Variants in FHIT observed in about 807,000 individuals in gnomAD.
FHIT encodes the protein bis(5'-adenosyl)-triphosphatase.
Under a neutral mutation model 17.9 loss-of-function variants are expected in FHIT, and 19 were observed. That is an observed-to-expected ratio of 1.06 (90% CI 0.74 to 1.56). The LOEUF is 1.56. FHIT is among the 40% of genes most tolerant of loss of function. The pLI, the probability that FHIT is intolerant of heterozygous loss-of-function variation, is 0.00. For synonymous variants in FHIT, 81 were observed against 69.7 expected, an observed-to-expected ratio of 1.16 and a Z score of -0.81; for missense variants, 248 against 189.2, an observed-to-expected ratio of 1.31 and a Z score of -1.82.
intron 5 of FHIT, among the ~76,000 whole-genome samples, chr3:60,041,277 T>C (rs943241906): frequency 1.3e-5 from 2 of 152,154 alleles, no homozygotes; most frequent in African/African-American, 2.4e-5. Flanking sequence ...CAGGGAGCAT[T>C]TGCTGCCTTG....
intron 2 of FHIT, among the ~76,000 whole-genome samples, chr3:61,144,525 GAT>G (rs1467308650): frequency 6.6e-6 from 1 of 152,136 alleles, no homozygotes; most frequent in African/African-American, 2.4e-5. Context: ...TTTTTGTGTG[GAT>G]ATGTTTTTAA....
chr3:61,196,794 C>T (rs1015089828), intron 2 of FHIT, among the ~76,000 whole-genome samples: 11 of 152,236 alleles, frequency 7.2e-5, no homozygotes, highest in East Asian at 5.8e-4. Context: ...GGCCCCCAAC[C>T]GGAACTGTGG....
intron 2 of FHIT, among the ~76,000 whole-genome samples, chr3:61,199,767 T>G (rs563279910): frequency 6.6e-6 from 1 of 152,060 alleles, no homozygotes; most frequent in South Asian, 2.1e-4. Flanking sequence ...AAAAAAACCC[T>G]AAAAGTATCA....
intron 4 of FHIT, among the ~76,000 whole-genome samples, chr3:60,801,508 T>TG (rs782640533): frequency 1.5e-4 from 23 of 152,226 alleles, no homozygotes; most frequent in Non-Finnish European, 3.1e-4. Context: ...GCCCTACCAG[T>TG]GGGGGCTAGT....
chr3:60,826,690 G>T (rs530835023), intron 3 of FHIT, among the ~76,000 whole-genome samples: 1 of 152,140 alleles, frequency 6.6e-6, no homozygotes, highest in African/African-American at 2.4e-5. Flanking sequence ...GAATGACAAG[G>T]AGCTCTCTGC....
intron 8 of FHIT, among the ~76,000 whole-genome samples, chr3:59,757,907 GAT>G (rs1271692547): frequency 6.6e-6 from 1 of 152,064 alleles, no homozygotes; most frequent in Non-Finnish European, 1.5e-5. Context: ...ATGAACACAT[GAT>G]ATATTCCAGG....
intron 5 of FHIT, among the ~76,000 whole-genome samples, chr3:60,372,089 T>G (rs1057501): frequency 0.65 from 99,041 of 151,934 alleles, 32,430 homozygotes; most frequent in African/African-American, 0.71. Context: ...ATCTCCAGAA[T>G]GGCTTAAATG....
chr3:60,454,314 T>C (rs1370653919), intron 5 of FHIT, among the ~76,000 whole-genome samples: 1 of 152,128 alleles, frequency 6.6e-6, no homozygotes, highest in Admixed American at 6.6e-5. Flanking sequence ...CTGCTATTTG[T>C]TGTTCTTGCA....
chr3:60,275,522 A>C (rs138779126), intron 5 of FHIT, among the ~76,000 whole-genome samples: 29 of 152,302 alleles, frequency 1.9e-4, no homozygotes, highest in African/African-American at 7.0e-4. Context: ...GCTTTGCTTG[A>C]TCAACAGGTT....
intron 5 of FHIT, among the ~76,000 whole-genome samples, chr3:60,179,917 A>G (rs1701849159): frequency 6.6e-6 from 1 of 152,226 alleles, no homozygotes; most frequent in Admixed American, 6.5e-5. Context: ...GTGAGGTCAA[A>G]TAGATTCAAG....
intron 8 of FHIT, among the ~76,000 whole-genome samples, chr3:59,902,133 G>T (rs547305375): frequency 7.2e-5 from 11 of 152,224 alleles, no homozygotes; most frequent in East Asian, 1.9e-4. Flanking sequence ...ATTAAAAAAT[G>T]AGCAACGGAC....
At chr3:61,124,079 G>T (rs1214507407) in intron 2 of FHIT, among the ~76,000 whole-genome samples, 1 of 152,116 alleles carries the variant, frequency 6.6e-6, no homozygotes, top group Non-Finnish European at 1.5e-5. Context: ...CCACTGAAGA[G>T]AAAGAATTGT....
intron 8 of FHIT, among the ~76,000 whole-genome samples, chr3:59,809,120 G>A (rs775948069): frequency 6.6e-6 from 1 of 152,178 alleles, no homozygotes; most frequent in African/African-American, 2.4e-5. Context: ...CACATACTGG[G>A]TTGAAGAGTG....
intron 8 of FHIT, among the ~76,000 whole-genome samples, chr3:59,784,524 G>C (rs770790664): frequency 6.6e-6 from 1 of 152,200 alleles, no homozygotes. Context: ...CACTGGACCA[G>C]TCTTGCCTGG....
intron 7 of FHIT, among the ~76,000 whole-genome samples, chr3:59,927,639 C>T (rs1160099241): frequency 6.6e-6 from 1 of 151,944 alleles, no homozygotes; most frequent in Non-Finnish European, 1.5e-5. Flanking sequence ...CGTGGTGGCA[C>T]ATGCCTGTAA....
rs1377322701 is a variant in FHIT, at chr3:60,226,480, A to AAAAAAAAAAAAC, written c.104-212329_104-212328insGTTTTTTTTTTT. Reference sequence around the variant, plus strand: ...AGAGTGAAACTCCGTCTCAAAAAAAAAAAAAAAAAAAAAACACTGCCTGCC... The same window carrying AAAAAAAAAAAAC: ...AGAGTGAAACTCCGTCTCAAAAAAAAAAAAAAAAAAACAAAAAAAAAAAAAACACTGCCTGCC... On this transcript the variant is annotated intron_variant, in intron 5 of 9. Coordinates refer to ENST00000492590, the MANE Select transcript of FHIT (RefSeq NM_002012.4). 1.1e-4 allele frequency among the ~76,000 whole-genome samples: 17 copies of AAAAAAAAAAAAC among 150,920 alleles called. 1 individual carries two copies. Among genetic ancestry groups the AAAAAAAAAAAAC allele is most frequent in the African/African-American group, 3.7e-4 (15 of 41,016 alleles).
chr3:61,158,633 G>T (rs1489520009), intron 2 of FHIT, among the ~76,000 whole-genome samples: 1 of 119,590 alleles, frequency 8.4e-6, no homozygotes, highest in Non-Finnish European at 1.7e-5. Flanking sequence ...CTTTTCCATT[G>T]CATTAATTAA....
chr3:61,086,527 T>G (rs1312643234), intron 2 of FHIT, among the ~76,000 whole-genome samples: 1 of 152,172 alleles, frequency 6.6e-6, no homozygotes, highest in Non-Finnish European at 1.5e-5. Flanking sequence ...TGCTTTCTAT[T>G]GGACTTTTAA....
intron 4 of FHIT, among the ~76,000 whole-genome samples, chr3:60,660,729 C>T (rs377562067): frequency 0.031 from 1,171 of 37,226 alleles, 61 homozygotes; most frequent in African/African-American, 0.078. Context: ...TTATTGTGCT[C>T]TTTTTTTTTT....
Sources: allele counts gnomAD v4.1 joint callset (sites outside exome capture counted in the v4.1 genomes callset), GRCh38; gene constraint gnomAD v4.1.1; transcripts MANE v1.5; gene names NCBI Gene and HGNC (gene_info 2026-07-23, HGNC 2026-07-21).